ANK3: variants seen among roughly 807,000 people sequenced by gnomAD.
The protein encoded by ANK3 is ankyrin 3, also known as ankyrin-3.
In ANK3, 57 loss-of-function variants were observed where a neutral mutation model predicts 370.9. The ratio of observed to expected loss-of-function variants is 0.15; its 90% CI spans 0.12 to 0.19. The LOEUF (loss-of-function observed/expected upper bound fraction) is 0.19. Ranked by LOEUF, ANK3 falls within the 10% of genes least tolerant of loss-of-function variation. The probability of loss-of-function intolerance (pLI) is 1.00; values close to 1 mark genes in which losing one functional copy is unlikely to be tolerated. For synonymous variants in ANK3, 1,929 were observed against 1,946.3 expected, an observed-to-expected ratio of 0.99 and a Z score of 0.23; for missense variants, 4,439 against 5,302.1, an observed-to-expected ratio of 0.84 and a Z score of 5.06.
In ANK3 at chr10:60,073,465, C is replaced by T. The variant is rs556901633; in HGVS notation, c.7416G>A (p.Lys2472=). 1.2e-6 allele frequency: 2 copies of T among 1,613,986 alleles called. No homozygotes were observed. The highest frequency in any genetic ancestry group is 1.7e-6 in the Non-Finnish European group (2 of 1,179,976). Residue 2472 remains lysine (K), a synonymous_variant, in exon 37 of 44, where the codon AAG becomes AAA. Transcript: ENST00000280772. ...CAGTATCAGAATGAGACACATCTAGCTTTTCTGACAGAAGCATTTTCTCAG... is the reference window on the plus strand; with the variant it reads ...CAGTATCAGAATGAGACACATCTAGTTTTTCTGACAGAAGCATTTTCTCAG... The part of the protein sequence containing the change: ...RFAEKMLLSE[K]LDVSHSDTEE...
intron 9 of ANK3, among the ~76,000 whole-genome samples, chr10:60,209,164 A>G (rs2096810665): frequency 6.6e-6 from 1 of 152,216 alleles, no homozygotes; most frequent in African/African-American, 2.4e-5. Flanking sequence ...AAATTCCTAG[A>G]GAATTCAATT....
intron 2 of ANK3, among the ~76,000 whole-genome samples, chr10:60,490,869 T>C (rs1417135254): frequency 6.6e-6 from 1 of 152,168 alleles, no homozygotes; most frequent in Admixed American, 6.5e-5. Flanking sequence ...TATGTAAAAA[T>C]CACCCAAAAC....
chr10:60,648,506 C>A (rs1242229485), intron 1 of ANK3, among the ~76,000 whole-genome samples: 1 of 146,258 alleles, frequency 6.8e-6, no homozygotes, highest in Non-Finnish European at 1.5e-5. Flanking sequence ...CATAGTGGCT[C>A]ACACCTGTAA....
intron 2 of ANK3, among the ~76,000 whole-genome samples, chr10:60,402,228 G>A (rs1014908126): frequency 6.6e-6 from 1 of 152,092 alleles, no homozygotes; most frequent in Non-Finnish European, 1.5e-5. Context: ...AAAGAGCTTA[G>A]AACTATACTG....
intron 2 of ANK3, among the ~76,000 whole-genome samples, chr10:60,577,742 A>C (rs890563626): frequency 6.6e-6 from 1 of 152,312 alleles, no homozygotes; most frequent in South Asian, 2.1e-4. Flanking sequence ...AAAGTCATTA[A>C]GTTTTATAAA....
chr10:60,080,178 A>G (rs777274832), intron 36 of ANK3, among the ~76,000 whole-genome samples: 20 of 152,204 alleles, frequency 1.3e-4, no homozygotes, highest in Non-Finnish European at 2.5e-4. Flanking sequence ...TTTTTCTACC[A>G]TTCCAAATAT....
intron 1 of ANK3, among the ~76,000 whole-genome samples, chr10:60,358,485 T>C (rs2132725133): frequency 6.6e-6 from 1 of 152,318 alleles, no homozygotes; most frequent in South Asian, 2.1e-4. Flanking sequence ...TTGGTTTCTC[T>C]TCCTTTTCTA....
At chr10:60,231,762 G>C (rs1435916878) in intron 8 of ANK3, among the ~76,000 whole-genome samples, 1 of 152,138 alleles carries the variant, frequency 6.6e-6, no homozygotes. Flanking sequence ...CAGAAATTCA[G>C]TCTGCCCAAC....
At chr10:60,706,082 C>T (rs1241790905) in intron 1 of ANK3, among the ~76,000 whole-genome samples, 1 of 152,024 alleles carries the variant, frequency 6.6e-6, no homozygotes, top group East Asian at 1.9e-4. Context: ...CCTTGGTGTC[C>T]CAACGTGTTG....
At chr10:60,216,899 G>A (rs1267018465) in intron 8 of ANK3, among the ~76,000 whole-genome samples, 1 of 151,986 alleles carries the variant, frequency 6.6e-6, no homozygotes, top group Non-Finnish European at 1.5e-5. Context: ...TGGGGCCTGG[G>A]CTTTTTTTGG....
chr10:60,427,571 G>A (rs1219860750), intron 2 of ANK3, among the ~76,000 whole-genome samples: 1 of 151,734 alleles, frequency 6.6e-6, no homozygotes, highest in Non-Finnish European at 1.5e-5. Flanking sequence ...AGTGAAAGAA[G>A]TGGCACATAT....
intron 1 of ANK3, among the ~76,000 whole-genome samples, chr10:60,632,914 C>CA (rs927792927): frequency 2.7e-4 from 5 of 18,272 alleles, no homozygotes; most frequent in Admixed American, 7.6e-4. Context: ...AAAAAAAAAA[C>CA]CATACTTATT....
At chr10:60,474,026 G>A (rs902731948) in intron 2 of ANK3, among the ~76,000 whole-genome samples, 1 of 150,614 alleles carries the variant, frequency 6.6e-6, no homozygotes, top group African/African-American at 2.4e-5. Context: ...ACAGCTACTT[G>A]GGAGGCTGAG....
At chr10:60,523,649 C>T (rs529860295) in intron 2 of ANK3, among the ~76,000 whole-genome samples, 51 of 151,990 alleles carry the variant, frequency 3.4e-4, no homozygotes, top group African/African-American at 1.2e-3. Context: ...TGTTGTTGGA[C>T]ATTTGGGTTG....
intron 1 of ANK3, among the ~76,000 whole-genome samples, chr10:60,373,423 G>A (rs2060360965): frequency 6.6e-6 from 1 of 152,180 alleles, no homozygotes; most frequent in Non-Finnish European, 1.5e-5. Context: ...ATTGGGTCCT[G>A]GGTGAGACCC....
chr10:60,079,225 A>ACC lies in ANK3; in HGVS notation c.4432+1310_4432+1311dup, dbSNP rs1554886866. ...CACACACACACACACACACACACAC[A>ACC]CCCCTCTTCTGCTCTGTAGCATAAT... On this transcript the variant is annotated intron_variant, in intron 36 of 43. Coordinates refer to ENST00000280772, the MANE Select transcript of ANK3 (RefSeq NM_020987.5). 4.1e-4 allele frequency among the ~76,000 whole-genome samples: 59 copies of ACC among 142,752 alleles called. No individual in the cohort carries two copies. The Middle Eastern group carries it at 0.011, about 27-fold the overall frequency. The allele number at this position is 142,752 out of a possible 152,430, so 93.7% of individuals were successfully genotyped here. A position where few individuals can be genotyped will look rare whatever the true frequency, so the allele number is the denominator to read the frequency against.
intron 42 of ANK3, among the ~76,000 whole-genome samples, chr10:60,046,174 C>G (rs1351879950): frequency 6.6e-6 from 1 of 152,124 alleles, no homozygotes; most frequent in African/African-American, 2.4e-5. Flanking sequence ...AAATTTGCAA[C>G]ACGTTTTTAA....
Position 60,279,110 on chromosome 10 carries a change from G to A in ANK3, c.255C>T (p.Gly85=), listed in dbSNP as rs767505730. Residue 85 remains glycine, a synonymous_variant, in exon 3 of 44, where the codon GGC becomes GGT. Transcript: ENST00000280772. ...LNALHLASKE[G]HVEVVSELLQ... ...GCAGCTCAGAAACAACCTCTACATG[G>A]CCTTCTTTGGAAGCAAGGTGGAGAG... is the stretch of plus-strand genomic sequence containing the variant. 1 of 1,613,806 alleles carries A rather than the reference G, an allele frequency of 6.2e-7. No homozygotes were observed.
At chr10:60,213,287 C>T in intron 9 of ANK3, 125 bp downstream of exon 9, 1 of 586,998 alleles carries the variant, frequency 1.7e-6, no homozygotes, top group Non-Finnish European at 2.9e-6. Flanking sequence ...CTATAAAGAT[C>T]TGGTGAACAT....
Sources: allele counts gnomAD v4.1 joint callset (sites outside exome capture counted in the v4.1 genomes callset), GRCh38; gene constraint gnomAD v4.1.1; transcripts MANE v1.5; gene names NCBI Gene and HGNC (gene_info 2026-07-23, HGNC 2026-07-21).